Variants in DCAF6 observed in about 807,000 individuals in gnomAD.
The protein encoded by DCAF6 is DDB1- and CUL4-associated factor 6.
In DCAF6, 54 loss-of-function variants were observed where a neutral mutation model predicts 125.1. The ratio of observed to expected loss-of-function variants is 0.43; its 90% CI spans 0.35 to 0.54. DCAF6 has a LOEUF of 0.54. Ranked by LOEUF, DCAF6 falls within the 20% of genes least tolerant of loss-of-function variation. The pLI, the probability that DCAF6 is intolerant of heterozygous loss-of-function variation, is 0.01. For synonymous variants in DCAF6, 371 were observed against 390.4 expected (o/e 0.95, Z 0.58); for missense variants, 934 against 1,161.7 (o/e 0.80, Z 2.85).
At chr1:168,030,500 G>A (rs1175780300) in intron 12 of DCAF6, among the ~76,000 whole-genome samples, 1 of 152,216 alleles carries the variant, frequency 6.6e-6, no homozygotes, top group Non-Finnish European at 1.5e-5. Flanking sequence ...ACTCTGAATG[G>A]AGTATGGAGA....
chr1:168,022,159 A>G (rs993681224), intron 11 of DCAF6, among the ~76,000 whole-genome samples: 1 of 152,158 alleles, frequency 6.6e-6, no homozygotes, highest in Non-Finnish European at 1.5e-5. Context: ...AAAACTTACT[A>G]ACTTCTGATG....
chr1:167,893,608 A>G, the DCAF6 span, among the ~76,000 whole-genome samples: 1 of 147,230 alleles, frequency 6.8e-6, no homozygotes, highest in Non-Finnish European at 1.5e-5. Flanking sequence ...AGGCAGGAGA[A>G]TTGCTTGAAC....
the DCAF6 span, among the ~76,000 whole-genome samples, chr1:167,895,873 G>A: frequency 1.3e-5 from 2 of 152,200 alleles, no homozygotes; most frequent in Non-Finnish European, 2.9e-5. Context: ...ACAGATACCT[G>A]AAGTCACCAA....
chr1:167,906,535 C>A, the DCAF6 span, among the ~76,000 whole-genome samples: 1 of 151,586 alleles, frequency 6.6e-6, no homozygotes, highest in Non-Finnish European at 1.5e-5. Context: ...TGCCTATAAT[C>A]CCAGCACTTT....
intron 4 of DCAF6, among the ~76,000 whole-genome samples, chr1:167,978,588 T>C (rs1678602525): frequency 6.6e-6 from 1 of 152,166 alleles, no homozygotes; most frequent in Non-Finnish European, 1.5e-5. Context: ...TATTAATTTA[T>C]AGGAGTTTTT....
chr1:168,070,085 G>A (rs1382985763), intron 21 of DCAF6, among the ~76,000 whole-genome samples: 1 of 151,870 alleles, frequency 6.6e-6, no homozygotes, highest in African/African-American at 2.4e-5. Flanking sequence ...AGCAATGGTT[G>A]GTTAGTTAAT....
chr1:167,961,411 T>G lies in DCAF6; in HGVS notation c.160-5218T>G, dbSNP rs200149585. Among the ~76,000 whole-genome samples the G allele has an allele frequency of 2.0e-5, 3 of 152,076 alleles. No individual in the cohort carries two copies. The East Asian group carries it at 5.8e-4, about 29-fold the overall frequency. ...GTGCCCACCACCACACCCGGCTAAT[T>G]TTTTGTATTTTTAGTAGAGATGGGG... On this transcript the variant is annotated intron_variant, in intron 2 of 21. Transcript: ENST00000367840.
intron 1 of DCAF6, among the ~76,000 whole-genome samples, chr1:167,944,506 C>T (rs1311024519): frequency 6.6e-6 from 1 of 152,144 alleles, no homozygotes; most frequent in Non-Finnish European, 1.5e-5. Flanking sequence ...GACATTCTGA[C>T]TAGGATAAGG....
the DCAF6 span, among the ~76,000 whole-genome samples, chr1:167,900,695 G>A: frequency 1.3e-5 from 2 of 152,060 alleles, no homozygotes; most frequent in African/African-American, 4.8e-5. Context: ...ATCACGCCTG[G>A]CTAATTTTTG....
chr1:167,923,285 G>A, the DCAF6 span, among the ~76,000 whole-genome samples: 1,908 of 152,210 alleles, frequency 0.013, 38 homozygotes, highest in African/African-American at 0.044. Flanking sequence ...CAAAAATGTG[G>A]AAGCAAACCA....
intron 17 of DCAF6, among the ~76,000 whole-genome samples, chr1:168,054,280 T>G (rs1191446482): frequency 1.3e-5 from 2 of 152,198 alleles, no homozygotes; most frequent in African/African-American, 4.8e-5. Context: ...ACAAGCCTTC[T>G]TGCTGGCAAG....
chr1:168,044,550 TAC>T, intron 14 of DCAF6, 33 bp from the exon 15 acceptor site: 1 of 1,481,220 alleles, frequency 6.8e-7, no homozygotes, highest in Non-Finnish European at 9.4e-7. Flanking sequence ...CCCTCATGGA[TAC>T]CAAGGGATGA....
chr1:167,941,504 T>C (rs765943458), intron 1 of DCAF6, among the ~76,000 whole-genome samples: 2 of 152,230 alleles, frequency 1.3e-5, no homozygotes, highest in African/African-American at 2.4e-5. Flanking sequence ...ACCTGTGATA[T>C]ACACAACGAA....
upstream of DCAF6, among the ~76,000 whole-genome samples, chr1:167,934,949 A>C (rs1159748946): frequency 2.0e-5 from 3 of 152,008 alleles, no homozygotes; most frequent in Non-Finnish European, 4.4e-5. Context: ...TTTTTCAACC[A>C]CAAGAACACA....
intron 3 of DCAF6, among the ~76,000 whole-genome samples, chr1:167,971,804 A>G (rs923473953): frequency 2.6e-5 from 4 of 152,210 alleles, no homozygotes; most frequent in Non-Finnish European, 5.9e-5. Context: ...GCATTGATCC[A>G]AGGAAAGCAC....
chr1:168,054,885 C>T (rs1485523613), intron 17 of DCAF6, among the ~76,000 whole-genome samples: 2 of 149,092 alleles, frequency 1.3e-5, no homozygotes, highest in African/African-American at 4.9e-5. Context: ...GGTGTGAACT[C>T]GGCTCACTGC....
intron 21 of DCAF6, among the ~76,000 whole-genome samples, chr1:168,073,701 C>CT (rs1204571531): frequency 1.3e-5 from 2 of 152,150 alleles, no homozygotes; most frequent in African/African-American, 2.4e-5. Flanking sequence ...TCATCATGCT[C>CT]TAACATGACA....
chr1:168,070,660 G>T (rs1264349574), intron 21 of DCAF6, among the ~76,000 whole-genome samples: 1 of 152,132 alleles, frequency 6.6e-6, no homozygotes, highest in African/African-American at 2.4e-5. Flanking sequence ...TTTTTAAAAA[G>T]CAACCAAAGT....
intron 12 of DCAF6, among the ~76,000 whole-genome samples, chr1:168,024,770 C>T (rs1686120101): frequency 6.7e-6 from 1 of 149,754 alleles, no homozygotes; most frequent in African/African-American, 2.5e-5. Flanking sequence ...CGCCATTGCA[C>T]TCCAGCCTGG....
Sources: gnomAD v4.1 joint callset for allele counts (sites outside exome capture counted in the v4.1 genomes callset) on GRCh38, gnomAD v4.1.1 for gene constraint, MANE v1.5 for transcripts, NCBI Gene and HGNC (gene_info 2026-07-23, HGNC 2026-07-21) for gene names.